The following CES3 variants were observed in gnomAD, a reference collection of about 807,000 sequenced individuals.
The protein encoded by CES3 is carboxylesterase 3, also known as carboxylesterase 3 (brain).
In CES3, 49 loss-of-function variants were observed where a neutral mutation model predicts 57.6. That is an observed-to-expected ratio of 0.85 (90% CI 0.68 to 1.08). The LOEUF is 1.08. Ranked by LOEUF, CES3 falls within the 50% of genes least tolerant of loss-of-function variation. The probability of loss-of-function intolerance (pLI) is 0.00; values close to 1 mark genes in which losing one functional copy is unlikely to be tolerated. For synonymous variants in CES3, 266 were observed against 281.6 expected (o/e 0.94, Z 0.55); for missense variants, 645 against 742.0 (o/e 0.87, Z 1.52).
In CES3 at chr16:66,963,692, C is replaced by A; in HGVS notation, c.426+63C>A. 1 of 1,613,168 alleles carries A rather than the reference C, an allele frequency of 6.2e-7. No homozygotes were observed. The highest frequency in any genetic ancestry group is 8.5e-7 in the Non-Finnish European group (1 of 1,179,646). Reference sequence around the variant, plus strand: ...TCCACTATGCCTACCTGTCCCCTCCCCGTCCCTGTTTCCAAAGCACCCTAG... The same window carrying A: ...TCCACTATGCCTACCTGTCCCCTCCACGTCCCTGTTTCCAAAGCACCCTAG... On this transcript the variant is annotated intron_variant, in intron 3 of 12. Transcript: ENST00000303334. This position sits in a 1 kb window ranked among gnomAD's most constrained non-coding sequence, Gnocchi z 4.9.
At position 66,966,749 on chromosome 16, in the gene CES3, G is replaced by A. The variant is rs766268033; in HGVS notation, c.946G>A (p.Val316Ile). 102 of 1,613,924 alleles carry A rather than the reference G, an allele frequency of 6.3e-5. 1 individual carries two copies. Among genetic ancestry groups the A allele is most frequent in the Admixed American group, 4.5e-4 (27 of 59,990 alleles). The change falls in exon 8 of 13, where the codon GTT becomes ATT. Residue 316 changes from valine (V) to isoleucine (I), a missense_variant. By Grantham distance (29) the Val-to-Ile change is conservative. Transcript: ENST00000303334. Reference protein sequence around the residue: ...KLKNTIYPLTVDGTVFPKSPK... With the variant: ...KLKNTIYPLTIDGTVFPKSPK... ...GAAAAATACTATCTATCCTCTCACC[G>A]TTGATGGCACTGTCTTCCCCAAAAG...
At chr16:66,966,464 G>C (rs1433724605) in intron 7 of CES3, 119 bp downstream of exon 7, 2 of 1,042,032 alleles carry the variant, frequency 1.9e-6, no homozygotes, top group African/African-American at 3.2e-5. Flanking sequence ...CAGCTCATGA[G>C]GGGAAGGGGC....
At chr16:66,967,173 C>G (rs1229828650) in intron 8 of CES3, among the ~76,000 whole-genome samples, 1 of 152,140 alleles carries the variant, frequency 6.6e-6, no homozygotes, top group Non-Finnish European at 1.5e-5. Context: ...ACCTCCACCT[C>G]CTGGGTTCAA....
rs1292970444 is a variant in CES3 at position 66,963,188 on chromosome 16, T to C, written c.92T>C (p.Val31Ala). 1.2e-5 allele frequency: 20 copies of C among 1,614,138 alleles called. No individual in the cohort carries two copies. Among genetic ancestry groups the C allele is most frequent in the Non-Finnish European group, 1.5e-5 (18 of 1,180,046 alleles). ...TCTGTCCTTCCCTCAGGGCCCGAAG[T>C]TGCTCAGCCTGAAGTAGACACCACC... ...ACPATATGPE[V>A]AQPEVDTTLG... is the part of the protein sequence containing the mutation. The change falls in exon 2 of 13, where the codon GTT becomes GCT. Residue 31 changes from valine (V) to alanine (A), a missense_variant. Physicochemically the swap from Val to Ala is moderately conservative, Grantham distance 64. Transcript: ENST00000303334. The surrounding 1 kb of genome is among the most constrained non-coding windows in gnomAD (Gnocchi z 4.9).
chr16:66,962,070 C>T (rs1363747886), intron 1 of CES3, among the ~76,000 whole-genome samples: 1 of 152,134 alleles, frequency 6.6e-6, no homozygotes, highest in South Asian at 2.1e-4. Flanking sequence ...GTGGGCAAGC[C>T]CCTTTGACAC....
rs1442736091 is a variant in CES3, at chr16:66,963,017, A to C, written c.83-162A>C. 2.6e-6 allele frequency: 2 copies of C among 762,538 alleles called. No individual in the cohort carries two copies. The highest frequency in any genetic ancestry group is 4.0e-5 in the Admixed American group (2 of 50,040). The allele number at this position is 762,538 out of a possible 1,614,324, so 47.2% of individuals were successfully genotyped here. Reference sequence around the variant, plus strand: ...AGTGACTCTCAGGCAGGCAGGGAGGAGGAAGTTGGGCGTCAACCTAAGACC... The same window carrying C: ...AGTGACTCTCAGGCAGGCAGGGAGGCGGAAGTTGGGCGTCAACCTAAGACC... On this transcript the variant is annotated intron_variant, in intron 1 of 12. Transcript: ENST00000303334. This position sits in a 1 kb window ranked among gnomAD's most constrained non-coding sequence, Gnocchi z 4.9.
intron 8 of CES3, among the ~76,000 whole-genome samples, chr16:66,968,247 C>T (rs958411211): frequency 6.6e-6 from 1 of 152,192 alleles, no homozygotes; most frequent in Non-Finnish European, 1.5e-5. Flanking sequence ...GCACTGCAAC[C>T]TCTGCCTCCC....
intron 1 of CES3, chr16:66,962,919 G>T (rs1005625609): frequency 3.1e-6 from 2 of 643,912 alleles, no homozygotes; most frequent in Non-Finnish European, 5.7e-6. Flanking sequence ...TAAAAACAAA[G>T]AAATGGGCAA....
At position 66,963,259 on chromosome 16, in the gene CES3, C is replaced by G; in HGVS notation, c.163C>G (p.Arg55Gly). 1.2e-6 allele frequency: 2 copies of G among 1,614,072 alleles called. No homozygotes were observed. The highest frequency in any genetic ancestry group is 8.5e-7 in the Non-Finnish European group (1 of 1,180,012). ...GCAGGTGGGCGTGAAGGGCACAGACCGCCTTGTGAATGTCTTTCTGGGCAT... is the reference window on the plus strand; with the variant it reads ...GCAGGTGGGCGTGAAGGGCACAGACGGCCTTGTGAATGTCTTTCTGGGCAT... ...GRQVGVKGTDRLVNVFLGIPF... is the reference protein window; with the variant it reads ...GRQVGVKGTDGLVNVFLGIPF... Residue 55 changes from arginine to glycine, a missense_variant, in exon 2 of 13, where the codon CGC (arginine) becomes GGC (glycine). Transcript: ENST00000303334. This position sits in a 1 kb window ranked among gnomAD's most constrained non-coding sequence, Gnocchi z 4.9.
chr16:66,963,640 C>T lies in CES3; in HGVS notation c.426+11C>T, dbSNP rs1207366942. On this transcript the variant is annotated intron_variant, in intron 3 of 12. Transcript: ENST00000303334. The surrounding 1 kb of genome is among the most constrained non-coding windows in gnomAD (Gnocchi z 4.9). Reference sequence around the variant, plus strand: ...GGGTCCGGTAGGCCGGTAGGCACCCCAGAGGGCCCTGTCCACCTGATCCAG... The same window carrying T: ...GGGTCCGGTAGGCCGGTAGGCACCCTAGAGGGCCCTGTCCACCTGATCCAG... 3 of 1,614,034 alleles carry T rather than the reference C, an allele frequency of 1.9e-6. No homozygotes were observed. Among genetic ancestry groups the T allele is most frequent in the Non-Finnish European group, 2.5e-6 (3 of 1,180,038 alleles).
At chr16:66,968,697 T>C (rs2145537557) in intron 8 of CES3, among the ~76,000 whole-genome samples, 1 of 151,080 alleles carries the variant, frequency 6.6e-6, no homozygotes, top group East Asian at 2.0e-4. Context: ...GTGGGTCACT[T>C]GAAGTCAGGA....
intron 1 of CES3, among the ~76,000 whole-genome samples, chr16:66,962,263 T>C (rs1963661333): frequency 6.6e-6 from 1 of 152,214 alleles, no homozygotes; most frequent in Non-Finnish European, 1.5e-5. Flanking sequence ...GGCTCTGGAC[T>C]GGTTTGCCTT....
intron 10 of CES3, among the ~76,000 whole-genome samples, 195 bp downstream of exon 10, chr16:66,971,514 T>C (rs558063633): frequency 1.3e-5 from 2 of 152,284 alleles, no homozygotes; most frequent in Admixed American, 6.5e-5. Context: ...CAGGAAACTA[T>C]GCAGAGGAGA....
chr16:66,961,863 C>T (rs1199084413), intron 1 of CES3, among the ~76,000 whole-genome samples: 5 of 152,180 alleles, frequency 3.3e-5, no homozygotes, highest in African/African-American at 1.2e-4. Flanking sequence ...CGCACCTGGC[C>T]TGTCTTTATG....
chr16:66,966,290 T>C lies in CES3; in HGVS notation c.866T>C (p.Met289Thr), dbSNP rs779298538. The change falls in exon 7 of 13, where the codon ATG becomes ACG. Residue 289 changes from methionine (M) to threonine (T), a missense_variant. By Grantham distance (81) the Met-to-Thr change is moderately conservative. Coordinates refer to ENST00000303334, the MANE Select transcript of CES3 (RefSeq NM_024922.6). Reference protein sequence around the residue: ...LACSSSSPAEMVQCLQQKEGE... With the variant: ...LACSSSSPAETVQCLQQKEGE... ...TGCAGCTCCAGCTCCCCGGCTGAGA[T>C]GGTGCAGTGCCTTCAGCAGAAAGAA... 3.8e-5 allele frequency: 62 copies of C among 1,613,730 alleles called. No individual in the cohort carries two copies. The highest frequency in any genetic ancestry group is 5.0e-5 in the Non-Finnish European group (59 of 1,180,022).
chr16:66,964,326 G>T (rs766906854), intron 4 of CES3, 31 bp from the exon 5 acceptor site: 2 of 1,609,604 alleles, frequency 1.2e-6, no homozygotes. Flanking sequence ...GAGCCAGGCT[G>T]AACTAACCGT....
At position 66,974,990 on chromosome 16, in the gene CES3, ACT is replaced by A. The variant is rs1963915664; in HGVS notation, c.*1946_*1947del. ...GCACCCTGTCAAAACAGACCACTTG[ACT>A]CTCTGTAAAATGGACCAATCAGCAG... is the stretch of plus-strand genomic sequence containing the variant. On this transcript the variant is annotated 3_prime_UTR_variant, in exon 13 of 13. Coordinates refer to ENST00000303334, the MANE Select transcript of CES3 (RefSeq NM_024922.6). 6.6e-6 allele frequency: 1 copy of A among 152,026 alleles called. No individual in the cohort carries two copies. The highest frequency in any genetic ancestry group is 2.1e-4 in the South Asian group (1 of 4,820). 9.4% of individuals were successfully genotyped at this position (152,026 alleles called of 1,614,324 possible).
chr16:66,971,739 C>A (rs891697856), intron 10 of CES3, among the ~76,000 whole-genome samples: 1 of 152,146 alleles, frequency 6.6e-6, no homozygotes, highest in Non-Finnish European at 1.5e-5. Context: ...AAGATACCTA[C>A]CCCCTCTGAG....
intron 8 of CES3, among the ~76,000 whole-genome samples, 198 bp from the exon 9 acceptor site, chr16:66,969,481 T>A (rs1346148475): frequency 6.6e-6 from 1 of 152,208 alleles, no homozygotes; most frequent in African/African-American, 2.4e-5. Flanking sequence ...TTGGGGCTGC[T>A]CTCCCCATCC....
Sources: allele counts gnomAD v4.1 joint callset (sites outside exome capture counted in the v4.1 genomes callset), GRCh38; gene constraint gnomAD v4.1.1; non-coding constraint Gnocchi (gnomAD v3.1); transcripts MANE v1.5; gene names NCBI Gene and HGNC (gene_info 2026-07-23, HGNC 2026-07-21).